The following SLC17A4 variants were observed in gnomAD, a reference collection of about 807,000 sequenced individuals.
The protein encoded by SLC17A4 is probable small intestine urate exporter.
Under a neutral mutation model 52.5 loss-of-function variants are expected in SLC17A4, and 33 were observed. The observed-to-expected ratio is 0.63, with a 90% CI of 0.48 to 0.84. The LOEUF is 0.84. SLC17A4 is among the 40% of genes least tolerant of loss of function. SLC17A4 has a pLI of 0.00. For missense variants in SLC17A4, 585 were observed against 597.1 expected (o/e 0.98, Z 0.21); for synonymous variants, 225 against 216.2 (o/e 1.04, Z -0.36).
intron 7 of SLC17A4, 24 bp downstream of exon 7, chr6:25,773,417 A>C: frequency 6.2e-7 from 1 of 1,612,536 alleles, no homozygotes; most frequent in Non-Finnish European, 8.5e-7. Flanking sequence ...CTCCTCTGAC[A>C]TTTCTCTATG....
rs1763056421 is a variant in SLC17A4, at chr6:25,777,760, G to A, written c.1269-166G>A. The A allele has an allele frequency of 1.0e-5, 6 of 601,006 alleles. No individual in the cohort carries two copies. In the South Asian group the frequency reaches 1.2e-4, roughly 12 times the overall value. 37.2% of individuals were successfully genotyped at this position (601,006 alleles called of 1,614,324 possible). A position where few individuals can be genotyped will look rare whatever the true frequency, so the allele number is the denominator to read the frequency against. ...GTACATTTCATTCAGGTTTCACCAA[G>A]GCTTACACAATTCCAGTCATCTCCA... is the stretch of plus-strand genomic sequence containing the variant. On this transcript the variant is annotated intron_variant, in intron 10 of 11. Transcript: ENST00000377905.
Position 25,780,548 on chromosome 6 carries a change from G to T in SLC17A4, c.*1360G>T, listed in dbSNP as rs2151468951. On this transcript the variant is annotated 3_prime_UTR_variant, in exon 12 of 12. Transcript: ENST00000377905. Reference sequence around the variant, plus strand: ...GAGGGAGAAATTAGCTATGGCCAGAGTATAGAGAATAAGGGAAGTATGATT... The same window carrying T: ...GAGGGAGAAATTAGCTATGGCCAGATTATAGAGAATAAGGGAAGTATGATT... 1 of 152,396 alleles carries T rather than the reference G, an allele frequency of 6.6e-6. No homozygotes were observed. The highest frequency in any genetic ancestry group is 1.9e-4 in the East Asian group (1 of 5,186). The allele number at this position is 152,396 out of a possible 1,614,324, so 9.4% of individuals were successfully genotyped here.
rs190435177 is a variant in SLC17A4 at position 25,771,709 on chromosome 6, T to C, written c.706+697T>C. Among the ~76,000 whole-genome samples, 30 of 152,324 alleles carry C rather than the reference T, an allele frequency of 2.0e-4. 1 individual carries two copies. In the South Asian group the frequency reaches 4.1e-3, roughly 21 times the overall value. ...CAATTGCTTTTGCACCAATCTAATA[T>C]CATAGCTAGAAAATTGTGTGACTGT... is the stretch of plus-strand genomic sequence containing the variant. On this transcript the variant is annotated intron_variant, in intron 6 of 11. Transcript: ENST00000377905.
chr6:25,770,874 G>A (rs374030967), intron 5 of SLC17A4, 52 bp from the exon 6 acceptor site: 29 of 1,392,902 alleles, frequency 2.1e-5, no homozygotes, highest in Non-Finnish European at 2.0e-6. Flanking sequence ...AAAGCACATA[G>A]AGCCCCAAGA....
At chr6:25,773,758 T>C in intron 8 of SLC17A4, 84 bp downstream of exon 8, 2 of 1,453,392 alleles carry the variant, frequency 1.4e-6, no homozygotes, top group African/African-American at 1.4e-5. Flanking sequence ...GTCTGTCCCA[T>C]AGTCACAAAA....
In SLC17A4 at chr6:25,776,664, G is replaced by C. The variant is rs749421111; in HGVS notation, c.1057G>C (p.Asp353His). ...CATTATCCTTGGAGGTCTACTGGCAGACTTTCTTCTCTCCAGAAAAATCCT... is the reference window on the plus strand; with the variant it reads ...CATTATCCTTGGAGGTCTACTGGCACACTTTCTTCTCTCCAGAAAAATCCT... ...ICIILGGLLA[D>H]FLLSRKILRL... is the part of the protein sequence containing the mutation. Residue 353 changes from aspartate (D) to histidine (H), a missense_variant, in exon 9 of 12, where the codon GAC (aspartate) becomes CAC (histidine). Physicochemically the swap from Asp to His is moderately conservative, Grantham distance 81. Transcript: ENST00000377905. The C allele has an allele frequency of 3.7e-5, 60 of 1,613,792 alleles. No homozygotes were observed. In the East Asian group the frequency reaches 1.3e-3, roughly 35 times the overall value.
rs1427257005 is a variant in SLC17A4 at position 25,776,637 on chromosome 6, T to C, written c.1030T>C (p.Cys344Arg). The change falls in exon 9 of 12, where the codon TGC becomes CGC. Residue 344 changes from cysteine to arginine, a missense_variant. Physicochemically the swap from Cys to Arg is radical, Grantham distance 180 (BLOSUM62 -3). Coordinates refer to ENST00000377905, the MANE Select transcript of SLC17A4 (RefSeq NM_005495.3). ...SALPFVVGCICIILGGLLADF... is the reference protein window; with the variant it reads ...SALPFVVGCIRIILGGLLADF... ...CTTGCCGTTTGTTGTTGGATGTATCTGCATTATCCTTGGAGGTCTACTGGC... is the reference window on the plus strand; with the variant it reads ...CTTGCCGTTTGTTGTTGGATGTATCCGCATTATCCTTGGAGGTCTACTGGC... 1.5e-5 allele frequency: 24 copies of C among 1,613,400 alleles called. No individual in the cohort carries two copies. The highest frequency in any genetic ancestry group is 2.2e-5 in the South Asian group (2 of 90,992).
chr6:25,776,426 A>G (rs1049947188), intron 8 of SLC17A4, among the ~76,000 whole-genome samples, 169 bp from the exon 9 acceptor site: 98 of 152,064 alleles, frequency 6.4e-4, no homozygotes, highest in African/African-American at 1.9e-3. Flanking sequence ...AGAGCTATGA[A>G]CATATACATA....
At chr6:25,775,389 T>C (rs1457274294) in intron 8 of SLC17A4, among the ~76,000 whole-genome samples, 2 of 152,004 alleles carry the variant, frequency 1.3e-5, no homozygotes, top group Non-Finnish European at 2.9e-5. Context: ...TAATCTGCCC[T>C]GTCCTCCCAG....
chr6:25,770,996 C>A lies in SLC17A4; in HGVS notation c.690C>A (p.Tyr230Ter). 1.2e-6 allele frequency: 2 copies of A among 1,613,618 alleles called. No individual in the cohort carries two copies. Among genetic ancestry groups the A allele is most frequent in the Non-Finnish European group, 8.5e-7 (1 of 1,179,612 alleles). Residue 230 changes from tyrosine (Y) to a stop codon, truncating the protein, a stop_gained, in exon 6 of 12, where the codon TAC (tyrosine) becomes TAA (stop). Transcript: ENST00000377905. LOFTEE classifies it high-confidence loss of function. ...TCTGCCAGACCATAGGATGGCCTTA[C>A]GTCTTCTATATCTTTGGTGAGTGTG... ...GLLCQTIGWPYVFYIFGGIGC... is the reference protein window; with the variant it reads ...GLLCQTIGWP
chr6:25,778,122 A>G, intron 11 of SLC17A4, 106 bp downstream of exon 11: 1 of 700,792 alleles, frequency 1.4e-6, no homozygotes, highest in Non-Finnish European at 2.3e-6. Flanking sequence ...TAAAGTAGTC[A>G]AAAATAAACT....
rs369079605 is a variant in SLC17A4 at position 25,779,139 on chromosome 6, G to A, written c.1445G>A (p.Arg482Gln). 24 of 1,613,704 alleles carry A rather than the reference G, an allele frequency of 1.5e-5. No individual in the cohort carries two copies. Among genetic ancestry groups the A allele is most frequent in the Admixed American group, 3.3e-5 (2 of 59,970 alleles). The change falls in exon 12 of 12, where the codon CGA becomes CAA. Residue 482 changes from arginine to glutamine, a missense_variant. Physicochemically the swap from Arg to Gln is conservative, Grantham distance 43. Coordinates refer to ENST00000377905, the MANE Select transcript of SLC17A4 (RefSeq NM_005495.3). Reference sequence around the variant, plus strand: ...CTGGTTTTCTACCTCATCTTTGGCCGAGCAGATGTGCAGGACTGGGCTAAA... The same window carrying A: ...CTGGTTTTCTACCTCATCTTTGGCCAAGCAGATGTGCAGGACTGGGCTAAA... The part of the protein sequence containing the change: ...SGLVFYLIFG[R>Q]ADVQDWAKEQ...
Position 25,770,374 on chromosome 6 carries a change from T to A in SLC17A4, c.532-10T>A, listed in dbSNP as rs1299345447. 6.2e-7 allele frequency: 1 copy of A among 1,614,130 alleles called. No homozygotes were observed. Among genetic ancestry groups the A allele is most frequent in the Non-Finnish European group, 8.5e-7 (1 of 1,179,960 alleles). ...CCTCAGATCTCCAAGAATGGAATTT[T>A]TCCCCCCAGGTTATGGTATTAACTG... is the stretch of plus-strand genomic sequence containing the variant. On this transcript the variant is annotated splice_polypyrimidine_tract_variant and intron_variant, in intron 4 of 11. Transcript: ENST00000377905.
chr6:25,761,624 G>C (rs1761539673), intron 1 of SLC17A4, among the ~76,000 whole-genome samples: 1 of 152,112 alleles, frequency 6.6e-6, no homozygotes, highest in South Asian at 2.1e-4. Context: ...ATGTCCATTT[G>C]ATACTAGTAT....
At chr6:25,764,119 A>G (rs764160858) in intron 2 of SLC17A4, among the ~76,000 whole-genome samples, 13 of 152,170 alleles carry the variant, frequency 8.5e-5, no homozygotes, top group Non-Finnish European at 1.6e-4. Context: ...GTCTAACATG[A>G]CTGATCCTCA....
intron 2 of SLC17A4, among the ~76,000 whole-genome samples, chr6:25,768,152 G>A (rs1011631363): frequency 6.6e-6 from 1 of 152,154 alleles, no homozygotes; most frequent in Non-Finnish European, 1.5e-5. Context: ...TGGCTGGGTT[G>A]GGGATGGGGA....
At chr6:25,771,894 A>G (rs527260898) in intron 6 of SLC17A4, among the ~76,000 whole-genome samples, 1 of 152,194 alleles carries the variant, frequency 6.6e-6, no homozygotes, top group Non-Finnish European at 1.5e-5. Flanking sequence ...GCAGTATTTT[A>G]CTACGTTACA....
At chr6:25,776,158 T>A (rs1000888718) in intron 8 of SLC17A4, among the ~76,000 whole-genome samples, 1 of 149,286 alleles carries the variant, frequency 6.7e-6, no homozygotes, top group Non-Finnish European at 1.5e-5. Context: ...CAAAAAAAAA[T>A]GGGTGTTTTT....
chr6:25,763,516 T>C (rs1367167920), intron 2 of SLC17A4, among the ~76,000 whole-genome samples: 1 of 152,210 alleles, frequency 6.6e-6, no homozygotes, highest in Admixed American at 6.5e-5. Flanking sequence ...CTGGATCTTC[T>C]GTATTAGACT....
Sources: gnomAD v4.1 joint callset for allele counts (sites outside exome capture counted in the v4.1 genomes callset) on GRCh38, gnomAD v4.1.1 for gene constraint, MANE v1.5 for transcripts, NCBI Gene and HGNC (gene_info 2026-07-23, HGNC 2026-07-21) for gene names.